The following ZNF780B variants were observed in gnomAD, a reference collection of about 807,000 sequenced individuals.
The protein encoded by ZNF780B is zinc finger protein 779.
Under a neutral mutation model 74.1 loss-of-function variants are expected in ZNF780B, and 52 were observed. The ratio of observed to expected loss-of-function variants is 0.70; its 90% confidence interval spans 0.56 to 0.88. The LOEUF (loss-of-function observed/expected upper bound fraction) is 0.88, where lower values mean the gene tolerates loss of function less well. Among genes scored for constraint, ZNF780B ranks in the 40% least tolerant of loss-of-function variants. The pLI is 0.00. For missense variants in ZNF780B, 953 were observed against 1,007.6 expected (o/e 0.95, Z 0.73); for synonymous variants, 315 against 324.3 (o/e 0.97, Z 0.31).
intron 4 of ZNF780B, among the ~76,000 whole-genome samples, chr19:40,046,883 T>A (rs1201354389): frequency 6.6e-6 from 1 of 152,160 alleles, no homozygotes; most frequent in Non-Finnish European, 1.5e-5. Context: ...TGAAAACACA[T>A]GTAGAAATCT....
chr19:40,053,901 A>T (rs1973353322), intron 1 of ZNF780B, among the ~76,000 whole-genome samples: 1 of 152,214 alleles, frequency 6.6e-6, no homozygotes, highest in Non-Finnish European at 1.5e-5. Context: ...AGCACTTTCG[A>T]AAGCGGAGGC....
At chr19:40,042,038 C>G (rs1045503636) in intron 4 of ZNF780B, among the ~76,000 whole-genome samples, 1 of 152,188 alleles carries the variant, frequency 6.6e-6, no homozygotes, top group African/African-American at 2.4e-5. Context: ...TTTGCAGTGG[C>G]TGGCACCGGT....
At chr19:40,044,314 G>A (rs1972827764) in intron 4 of ZNF780B, among the ~76,000 whole-genome samples, 1 of 152,030 alleles carries the variant, frequency 6.6e-6, no homozygotes, top group African/African-American at 2.4e-5. Context: ...ATACAAAAAG[G>A]TCTTCTCCAT....
chr19:40,054,433 G>A lies in ZNF780B; in HGVS notation c.-46+1756C>T, dbSNP rs185766199. Among the ~76,000 whole-genome samples, 4 of 152,252 alleles carry A rather than the reference G, an allele frequency of 2.6e-5. No homozygotes were observed. The East Asian group carries it at 7.7e-4, about 29-fold the overall frequency. ...TGATAACTATGTGAGGTAATGCATT[G>A]CTAATTAGCTAGATTTAGTCATTCC... On this transcript the variant is annotated intron_variant, in intron 1 of 4. Coordinates refer to ENST00000434248, the MANE Select transcript of ZNF780B (RefSeq NM_001005851.3).
In ZNF780B at chr19:40,035,310, C is replaced by G. The variant is rs780371726; in HGVS notation, c.1549G>C (p.Val517Leu). The change falls in exon 5 of 5, where the codon GTT (valine) becomes CTT (leucine). Residue 517 changes from valine to leucine, a missense_variant. By Grantham distance (32) the Val-to-Leu change is conservative (BLOSUM62 1). Coordinates refer to ENST00000434248, the MANE Select transcript of ZNF780B (RefSeq NM_001005851.3). ...GKAFNRGSNL[V>L]QHQSIHTGEK... ...CCAGTGTGAATACTCTGATGTTGAA[C>G]AAGGTTCGAGCCACGATTGAAGGCC... 2.5e-6 allele frequency: 4 copies of G among 1,612,956 alleles called. No homozygotes were observed. In the South Asian group the frequency reaches 4.4e-5, roughly 18 times the overall value.
chr19:40,035,404 C>T lies in ZNF780B; in HGVS notation c.1455G>A (p.Leu485=). ...TGTTCTTATGTCGAGCAAGCTGTGTCAGAAGACTAAAGGCCTTTCCACATT... is the reference window on the plus strand; with the variant it reads ...TGTTCTTATGTCGAGCAAGCTGTGTTAGAAGACTAAAGGCCTTTCCACATT... The part of the protein sequence containing the change: ...CKECGKAFSL[L]TQLARHKNIH... The change falls in exon 5 of 5, where the codon CTG becomes CTA. Residue 485 remains leucine, a synonymous_variant. Coordinates refer to ENST00000434248, the MANE Select transcript of ZNF780B (RefSeq NM_001005851.3). 1 of 1,613,938 alleles carries T rather than the reference C, an allele frequency of 6.2e-7. No individual in the cohort carries two copies. Among genetic ancestry groups the T allele is most frequent in the South Asian group, 1.1e-5 (1 of 91,062 alleles).
chr19:40,050,415 C>T (rs976391952), intron 1 of ZNF780B, 38 bp from the exon 2 acceptor site: 2 of 1,527,302 alleles, frequency 1.3e-6, no homozygotes. Context: ...CTAAGTCAAG[C>T]TGTGTCCGAA....
Position 40,034,364 on chromosome 19 carries a change from A to G in ZNF780B, c.2495T>C (p.Leu832Pro). 1 of 1,604,984 alleles carries G rather than the reference A, an allele frequency of 6.2e-7. No individual in the cohort carries two copies. The highest frequency in any genetic ancestry group is 1.3e-5 in the African/African-American group (1 of 74,674). The stretch of plus-strand genomic sequence containing the variant: ...CCTTACATTCAAAGGTTTTCACCCA[A>G]GTATGAATTTTCTGATGTTCAGTAA... Reference protein sequence around the residue: ...SNLLNIRKFILG With the variant: ...SNLLNIRKFIPG The change falls in exon 5 of 5, where the codon CTT becomes CCT. Residue 832 changes from leucine to proline, a missense_variant. Physicochemically the swap from Leu to Pro is moderately conservative, Grantham distance 98 (BLOSUM62 -3). Coordinates refer to ENST00000434248, the MANE Select transcript of ZNF780B (RefSeq NM_001005851.3).
chr19:40,048,536 A>G, intron 3 of ZNF780B, 134 bp downstream of exon 3: 1 of 1,452,730 alleles, frequency 6.9e-7, no homozygotes, highest in Non-Finnish European at 9.5e-7. Flanking sequence ...CAACCCAACA[A>G]ATCTCAATCC....
intron 4 of ZNF780B, among the ~76,000 whole-genome samples, chr19:40,037,055 C>G (rs1972371288): frequency 6.6e-6 from 1 of 151,896 alleles, no homozygotes; most frequent in Non-Finnish European, 1.5e-5. Context: ...GCTGGGATTA[C>G]AAACATCTGC....
intron 2 of ZNF780B, among the ~76,000 whole-genome samples, chr19:40,049,311 A>C (rs538799683): frequency 6.6e-6 from 1 of 151,212 alleles, no homozygotes; most frequent in South Asian, 2.1e-4. Context: ...TTACTGTGGT[A>C]TCAGATGATA....
intron 1 of ZNF780B, among the ~76,000 whole-genome samples, chr19:40,052,795 C>A (rs2144847021): frequency 6.6e-6 from 1 of 152,106 alleles, no homozygotes; most frequent in Non-Finnish European, 1.5e-5. Flanking sequence ...TGTTTACAAC[C>A]AACTGATTTT....
intron 1 of ZNF780B, among the ~76,000 whole-genome samples, chr19:40,052,854 T>C (rs1239833656): frequency 6.6e-6 from 1 of 152,154 alleles, no homozygotes; most frequent in African/African-American, 2.4e-5. Context: ...GTCTCTTCAA[T>C]ACATACTGTT....
intron 4 of ZNF780B, among the ~76,000 whole-genome samples, chr19:40,045,533 T>C (rs2144791686): frequency 6.6e-6 from 1 of 152,286 alleles, no homozygotes; most frequent in East Asian, 1.9e-4. Flanking sequence ...ATGATTACTG[T>C]AGCATTATTC....
chr19:40,037,404 CT>C (rs1300014095), intron 4 of ZNF780B, among the ~76,000 whole-genome samples: 1 of 152,000 alleles, frequency 6.6e-6, no homozygotes, highest in Non-Finnish European at 1.5e-5. Flanking sequence ...TTTCTTTAGT[CT>C]TCCTGCAGTC....
At chr19:40,043,628 G>A (rs1302220243) in intron 4 of ZNF780B, among the ~76,000 whole-genome samples, 4 of 152,230 alleles carry the variant, frequency 2.6e-5, no homozygotes, top group East Asian at 1.9e-4. Context: ...CTCCAGCCTT[G>A]CTGCCACCTT....
At position 40,031,934 on chromosome 19, in the gene ZNF780B, A is replaced by G. The variant is rs1972021138; in HGVS notation, c.*2423T>C. ...CCAAATGATCATCCTTAGTTTCACT[A>G]ATGCAAGGACCTGTACTTAAATGTT... is the stretch of plus-strand genomic sequence containing the variant. On this transcript the variant is annotated 3_prime_UTR_variant, in exon 5 of 5. Transcript: ENST00000434248. 2.7e-6 allele frequency: 1 copy of G among 369,456 alleles called. No homozygotes were observed. The highest frequency in any genetic ancestry group is 2.1e-5 in the South Asian group (1 of 48,110). The allele number at this position is 369,456 out of a possible 1,614,324, so 22.9% of individuals were successfully genotyped here.
At chr19:40,053,336 G>A (rs1345832683) in intron 1 of ZNF780B, among the ~76,000 whole-genome samples, 2 of 152,162 alleles carry the variant, frequency 1.3e-5, no homozygotes, top group African/African-American at 4.8e-5. Flanking sequence ...AATCATCAGG[G>A]AAATGAAAAT....
At position 40,035,538 on chromosome 19, in the gene ZNF780B, T is replaced by C; in HGVS notation, c.1321A>G (p.Asn441Asp). The change falls in exon 5 of 5, where the codon AAT (asparagine) becomes GAT (aspartate). Residue 441 changes from asparagine to aspartate, a missense_variant. Asn to Asp is a conservative substitution (Grantham distance 23, BLOSUM62 1). Transcript: ENST00000434248. Reference sequence around the variant, plus strand: ...TCCCTACATACAAAGGGTTTCTCATTGGAATGAATTTTTTGATGCTGAATA... The same window carrying C: ...TCCCTACATACAAAGGGTTTCTCATCGGAATGAATTTTTTGATGCTGAATA... ...NLIQHQKIHS[N>D]EKPFVCRECE... 2 of 1,612,732 alleles carry C rather than the reference T, an allele frequency of 1.2e-6. No homozygotes were observed. The highest frequency in any genetic ancestry group is 1.7e-6 in the Non-Finnish European group (2 of 1,179,616).
Sources: gnomAD v4.1 joint callset for allele counts (sites outside exome capture counted in the v4.1 genomes callset) on GRCh38, gnomAD v4.1.1 for gene constraint, MANE v1.5 for transcripts, NCBI Gene and HGNC (gene_info 2026-07-23, HGNC 2026-07-21) for gene names.